The following IRF4 variants were observed in gnomAD, a reference collection of about 807,000 sequenced individuals.
The protein encoded by IRF4 is lymphocyte-specific interferon regulatory factor.
Under a neutral mutation model 55.5 loss-of-function variants are expected in IRF4, and 13 were observed. The ratio of observed to expected loss-of-function variants is 0.23; its 90% CI spans 0.15 to 0.37. The LOEUF (loss-of-function observed/expected upper bound fraction) is 0.37. Ranked by LOEUF, IRF4 falls within the 10% of genes least tolerant of loss-of-function variation. IRF4 has a pLI of 1.00. For synonymous variants in IRF4, 249 were observed against 240.7 expected, an observed-to-expected ratio of 1.03 and a Z score of -0.32; for missense variants, 397 against 593.8, an observed-to-expected ratio of 0.67 and a Z score of 3.44.
chr6:396,005 C>A, intron 4 of IRF4, 70 bp downstream of exon 4: 1 of 1,221,682 alleles, frequency 8.2e-7, no homozygotes, highest in Non-Finnish European at 1.2e-6. Flanking sequence ...GGCCAGAGAA[C>A]CACAGCAGCC....
Position 399,055 on chromosome 6 carries a change from G to C in IRF4, c.745+120G>C, listed in dbSNP as rs1761337957. ...CTTGCTTTGCTCCCTCTGGGGTCTG[G>C]AGTAGATGTAGACACATCCTGTGTG... On this transcript the variant is annotated intron_variant, in intron 6 of 8. Coordinates refer to ENST00000380956, the MANE Select transcript of IRF4 (RefSeq NM_002460.4). 6.6e-6 allele frequency: 4 copies of C among 603,762 alleles called. No homozygotes were observed. In the East Asian group the frequency reaches 1.1e-4, roughly 17 times the overall value. The allele number at this position is 603,762 out of a possible 1,614,324, so 37.4% of individuals were successfully genotyped here. A position where few individuals can be genotyped will look rare whatever the true frequency, so the allele number is the denominator to read the frequency against.
chr6:393,625 C>T lies in IRF4; in HGVS notation c.216+257C>T, dbSNP rs531885413. Among the ~76,000 whole-genome samples, 4 of 152,102 alleles carry T rather than the reference C, an allele frequency of 2.6e-5. No individual in the cohort carries two copies. Among genetic ancestry groups the T allele is most frequent in the South Asian group, 2.1e-4 (1 of 4,804 alleles). Reference sequence around the variant, plus strand: ...GAAACCGCTGAAGGCCCGGCCGGGCCCGGGGAAGGGCGGCCAAAGGCTTGA... The same window carrying T: ...GAAACCGCTGAAGGCCCGGCCGGGCTCGGGGAAGGGCGGCCAAAGGCTTGA... On this transcript the variant is annotated intron_variant, in intron 2 of 8. Coordinates refer to ENST00000380956, the MANE Select transcript of IRF4 (RefSeq NM_002460.4). The surrounding 1 kb of genome is among the most constrained non-coding windows in gnomAD (Gnocchi z 5.4).
chr6:401,868 T>C lies in IRF4; in HGVS notation c.1099+91T>C, dbSNP rs928250143. Reference sequence around the variant, plus strand: ...CCACAGGGTCCCTCCCACCCCAGGCTGAGGTCTTCCTCCTGTTGACTTCGG... The same window carrying C: ...CCACAGGGTCCCTCCCACCCCAGGCCGAGGTCTTCCTCCTGTTGACTTCGG... On this transcript the variant is annotated intron_variant, in intron 7 of 8. Coordinates refer to ENST00000380956, the MANE Select transcript of IRF4 (RefSeq NM_002460.4). The C allele has an allele frequency of 3.4e-6, 4 of 1,174,046 alleles. No homozygotes were observed. In the Admixed American group the frequency reaches 6.2e-5, roughly 18 times the overall value. The allele number at this position is 1,174,046 out of a possible 1,614,324, so 72.7% of individuals were successfully genotyped here. A position where few individuals can be genotyped will look rare whatever the true frequency, so the allele number is the denominator to read the frequency against.
chr6:407,380 G>C lies in IRF4; in HGVS notation c.1213-75G>C, dbSNP rs1255186292. The C allele has an allele frequency of 1.8e-5, 24 of 1,330,496 alleles. No individual in the cohort carries two copies. The Admixed American group carries it at 5.5e-4, about 30-fold the overall frequency. 82.4% of individuals were successfully genotyped at this position (1,330,496 alleles called of 1,614,324 possible). ...TGGGCTTTACGTTACTGTCTCCTTA[G>C]AATCTGAGTGCTGTTTAATAGTGAG... is the stretch of plus-strand genomic sequence containing the variant. On this transcript the variant is annotated intron_variant, in intron 8 of 8. Coordinates refer to ENST00000380956, the MANE Select transcript of IRF4 (RefSeq NM_002460.4).
chr6:395,867 G>A lies in IRF4; in HGVS notation c.424G>A (p.Glu142Lys). ...TGTAGGAGCCAAGCAGCTCACCCTG[G>A]AGGACCCGCAGATGTCCATGAGCCA... ...AKKGAKQLTLEDPQMSMSHPY... is the reference protein window; with the variant it reads ...AKKGAKQLTLKDPQMSMSHPY... The change falls in exon 4 of 9, where the codon GAG becomes AAG. Residue 142 changes from glutamate to lysine, a missense_variant. Physicochemically the swap from Glu to Lys is moderately conservative, Grantham distance 56 (BLOSUM62 1). Coordinates refer to ENST00000380956, the MANE Select transcript of IRF4 (RefSeq NM_002460.4). The A allele has an allele frequency of 6.2e-7, 1 of 1,613,706 alleles. No individual in the cohort carries two copies. The highest frequency in any genetic ancestry group is 1.1e-5 in the South Asian group (1 of 90,942).
chr6:395,280 CAAAAAAA>C (rs369029146), intron 3 of IRF4, among the ~76,000 whole-genome samples: 2 of 132,928 alleles, frequency 1.5e-5, no homozygotes, highest in East Asian at 2.1e-4. Flanking sequence ...GTTAGTCTTT[CAAAAAAA>C]AAAAGAAAAA....
rs913226297 is a variant in IRF4, at chr6:409,086, G to A, written c.*1488G>A. ...TTACTCCCAGGATCAGCAGAAGATTGCGTAGCTCTCAAATGTGTGTTCCTG... is the reference window on the plus strand; with the variant it reads ...TTACTCCCAGGATCAGCAGAAGATTACGTAGCTCTCAAATGTGTGTTCCTG... On this transcript the variant is annotated 3_prime_UTR_variant, in exon 9 of 9. Coordinates refer to ENST00000380956, the MANE Select transcript of IRF4 (RefSeq NM_002460.4). The A allele has an allele frequency of 5.1e-5, 11 of 216,572 alleles. No individual in the cohort carries two copies. The highest frequency in any genetic ancestry group is 2.5e-4 in the African/African-American group (11 of 44,386). 13.4% of individuals were successfully genotyped at this position (216,572 alleles called of 1,614,324 possible). A position where few individuals can be genotyped will look rare whatever the true frequency, so the allele number is the denominator to read the frequency against.
chr6:398,755 C>T, intron 5 of IRF4, 73 bp from the exon 6 acceptor site: 1 of 1,074,320 alleles, frequency 9.3e-7, no homozygotes, highest in Non-Finnish European at 1.4e-6. Flanking sequence ...GCTTCACACA[C>T]ACACCCCAGG....
chr6:401,637 C>T lies in IRF4; in HGVS notation c.959C>T (p.Ala320Val), dbSNP rs775326241. 6.2e-7 allele frequency: 1 copy of T among 1,614,168 alleles called. No homozygotes were observed. The highest frequency in any genetic ancestry group is 8.5e-7 in the Non-Finnish European group (1 of 1,180,022). Reference sequence around the variant, plus strand: ...GAGAGGGGCGTGGTCCTCTGGATGGCCCCCGACGGGCTCTATGCGAAAAGA... The same window carrying T: ...GAGAGGGGCGTGGTCCTCTGGATGGTCCCCGACGGGCTCTATGCGAAAAGA... ...HLERGVVLWM[A>V]PDGLYAKRLC... The change falls in exon 7 of 9, where the codon GCC becomes GTC. Residue 320 changes from alanine (A) to valine (V), a missense_variant. By Grantham distance (64) the Ala-to-Val change is moderately conservative. Around this residue, in one of 3 missense-constraint regions of IRF4, gnomAD observed 341 missense variants for 548.1 expected, o/e 0.62. Transcript: ENST00000380956.
At chr6:402,932 T>TG (rs1761443165) in intron 7 of IRF4, among the ~76,000 whole-genome samples, 1 of 152,224 alleles carries the variant, frequency 6.6e-6, no homozygotes, top group African/African-American at 2.4e-5. Flanking sequence ...CTCAGGAGGA[T>TG]GAGGCACAAG....
At chr6:398,731 C>T (rs1371311540) in intron 5 of IRF4, 97 bp from the exon 6 acceptor site, 1 of 777,064 alleles carries the variant, frequency 1.3e-6, no homozygotes, top group African/African-American at 1.7e-5. Flanking sequence ...GGGCGCCAGC[C>T]CCTTCCTTCC....
chr6:400,050 G>C (rs796521663), intron 6 of IRF4, among the ~76,000 whole-genome samples: 1 of 152,092 alleles, frequency 6.6e-6, no homozygotes, highest in African/African-American at 2.4e-5. Context: ...AACCTGCCCC[G>C]AGAATCACCT....
At chr6:392,849 G>A (rs1247843542) in intron 1 of IRF4, among the ~76,000 whole-genome samples, 3 of 152,198 alleles carry the variant, frequency 2.0e-5, no homozygotes, top group South Asian at 2.1e-4. Context: ...TGCGTTACAG[G>A]AGAGCAGGCG....
intron 3 of IRF4, 133 bp from the exon 4 acceptor site, chr6:395,714 A>C: frequency 1.4e-6 from 1 of 697,000 alleles, no homozygotes. Context: ...GTTGCTGAAA[A>C]ATACCTTATT....
chr6:392,008 C>T (rs1761115023), intron 1 of IRF4, 199 bp downstream of exon 1: 11 of 368,210 alleles, frequency 3.0e-5, no homozygotes, highest in South Asian at 2.1e-4. Flanking sequence ...CTCCAAGGCC[C>T]GCCTCCTTGG....
intron 7 of IRF4, among the ~76,000 whole-genome samples, chr6:404,357 G>C (rs1168562401): frequency 1.3e-5 from 2 of 152,176 alleles, no homozygotes; most frequent in South Asian, 2.1e-4. Flanking sequence ...GGGAGGCCAG[G>C]GGGGCTGCCC....
rs565230972 is a variant in IRF4 at position 392,071 on chromosome 6, C to T, written c.-56+262C>T. On this transcript the variant is annotated intron_variant, in intron 1 of 8. Coordinates refer to ENST00000380956, the MANE Select transcript of IRF4 (RefSeq NM_002460.4). ...CCGCGCTCCTGCGACGGGGTCGCCA[C>T]AAGCTGGACGGGATGAGCTAACCGG... Among the ~76,000 whole-genome samples the T allele has an allele frequency of 8.5e-5, 13 of 152,320 alleles. No homozygotes were observed. The East Asian group carries it at 1.9e-3, about 23-fold the overall frequency.
intron 8 of IRF4, among the ~76,000 whole-genome samples, chr6:406,166 T>C (rs1195826673): frequency 6.6e-6 from 1 of 152,274 alleles, no homozygotes; most frequent in African/African-American, 2.4e-5. Flanking sequence ...TTGATATGAT[T>C]GTTGAAATAA....
In IRF4 at chr6:398,874, C is replaced by T. The variant is rs2127438831; in HGVS notation, c.684C>T (p.Ser228=). 1.2e-6 allele frequency: 2 copies of T among 1,613,708 alleles called. No individual in the cohort carries two copies. The highest frequency in any genetic ancestry group is 1.7e-6 in the Non-Finnish European group (2 of 1,179,862). ...GTFYACAPPE[S]QAPGVPTEPS... ...TTTATGCTTGTGCCCCACCTGAGTC[C>T]CAGGCTCCCGGAGTCCCCACAGAGC... The change falls in exon 6 of 9, where the codon TCC becomes TCT. Residue 228 remains serine, a synonymous_variant. Coordinates refer to ENST00000380956, the MANE Select transcript of IRF4 (RefSeq NM_002460.4).
Sources: allele counts gnomAD v4.1 joint callset (sites outside exome capture counted in the v4.1 genomes callset), GRCh38; gene constraint gnomAD v4.1.1; regional missense constraint gnomAD v4.1.1; non-coding constraint Gnocchi (gnomAD v3.1); transcripts MANE v1.5; gene names NCBI Gene and HGNC (gene_info 2026-07-23, HGNC 2026-07-21).